Variants in SYNPO2 observed in about 807,000 individuals in gnomAD.
SYNPO2 encodes synaptopodin 2, also known as synaptopodin-2.
A neutral mutation model predicts 85.0 loss-of-function variants in SYNPO2; 56 were observed. The observed-to-expected ratio is 0.66, with a 90% CI of 0.53 to 0.82. The LOEUF is 0.82. Among genes scored for constraint, SYNPO2 ranks in the 40% least tolerant of loss-of-function variants. The pLI, the probability that SYNPO2 is intolerant of heterozygous loss-of-function variation, is 0.00. For synonymous variants in SYNPO2, 602 were observed against 591.1 expected, an observed-to-expected ratio of 1.02 and a Z score of -0.27; for missense variants, 1,575 against 1,534.2, an observed-to-expected ratio of 1.03 and a Z score of -0.44.
At chr4:119,056,929 A>T (rs1739225894) in intron 4 of SYNPO2, among the ~76,000 whole-genome samples, 1 of 152,226 alleles carries the variant, frequency 6.6e-6, no homozygotes, top group South Asian at 2.1e-4. Context: ...TAAAAAGCTC[A>T]GTAATGTACA....
At chr4:119,044,210 A>C (rs1738808499) in intron 4 of SYNPO2, among the ~76,000 whole-genome samples, 2 of 152,196 alleles carry the variant, frequency 1.3e-5, no homozygotes, top group Admixed American at 1.3e-4. Context: ...TAAGTTTCCC[A>C]TTTGTATTTG....
At chr4:118,977,605 C>T (rs2149160909) in intron 1 of SYNPO2, among the ~76,000 whole-genome samples, 1 of 152,350 alleles carries the variant, frequency 6.6e-6, no homozygotes, top group South Asian at 2.1e-4. Context: ...ATGCTGTCAC[C>T]TCTCAACTTG....
intron 1 of SYNPO2, among the ~76,000 whole-genome samples, chr4:118,876,591 C>G (rs1342906349): frequency 6.6e-6 from 1 of 152,006 alleles, no homozygotes; most frequent in African/African-American, 2.4e-5. Flanking sequence ...TGTTCAGATA[C>G]TTTTCCTTCC....
intron 1 of SYNPO2, among the ~76,000 whole-genome samples, chr4:118,892,236 C>T (rs920968063): frequency 1.3e-5 from 2 of 152,030 alleles, no homozygotes; most frequent in African/African-American, 4.8e-5. Context: ...CTCAATGGCA[C>T]GAAAATCTGT....
At chr4:118,853,148 G>A (rs1461532152) in intron 1 of SYNPO2, among the ~76,000 whole-genome samples, 1 of 152,146 alleles carries the variant, frequency 6.6e-6, no homozygotes, top group Non-Finnish European at 1.5e-5. Context: ...ATTCTCCTGA[G>A]GAACCTAGAG....
Position 118,870,218 on chromosome 4 carries a change from C to G in SYNPO2, c.12+19278C>G, listed in dbSNP as rs147080313. On this transcript the variant is annotated intron_variant, in intron 1 of 4. Coordinates refer to the SYNPO2 transcript ENST00000610556. ...GGAAATTCCTCACTTTTGCAGGAAG[C>G]CTGCTGCACTAGCCCACAAGGAAAA... Among the ~76,000 whole-genome samples, 15 of 152,304 alleles carry G rather than the reference C, an allele frequency of 9.8e-5. No individual in the cohort carries two copies. In the East Asian group the frequency reaches 2.1e-3, roughly 22 times the overall value.
intron 1 of SYNPO2, among the ~76,000 whole-genome samples, chr4:118,883,677 A>T (rs1394337978): frequency 6.6e-6 from 1 of 151,940 alleles, no homozygotes; most frequent in Non-Finnish European, 1.5e-5. Context: ...ACATGACTTT[A>T]GCCATTTTTT....
intron 1 of SYNPO2, among the ~76,000 whole-genome samples, chr4:118,946,264 C>T (rs62327799): frequency 0.1 from 15,677 of 151,992 alleles, 891 homozygotes; most frequent in East Asian, 0.16. Context: ...TGTATCCTAC[C>T]GTAATGTATA....
intron 1 of SYNPO2, among the ~76,000 whole-genome samples, chr4:118,873,611 G>A (rs1215317456): frequency 2.0e-5 from 3 of 151,922 alleles, no homozygotes; most frequent in Non-Finnish European, 4.4e-5. Context: ...GTCCTTTGTT[G>A]GATATATAGT....
rs558614692 is a variant in SYNPO2, at chr4:118,857,986, T to A, written c.12+7046T>A. Among the ~76,000 whole-genome samples the A allele has an allele frequency of 2.6e-5, 4 of 152,374 alleles. No homozygotes were observed. The South Asian group carries it at 6.2e-4, about 24-fold the overall frequency. On this transcript the variant is annotated intron_variant, in intron 1 of 4. Coordinates refer to the SYNPO2 transcript ENST00000610556. ...GCTTCACTTGCACTTTCTGCTTTCA[T>A]GTTATTGAAAAACACAGGGCTTTCT...
chr4:119,035,082 G>A, intron 4 of SYNPO2: 1 of 985,390 alleles, frequency 1.0e-6, no homozygotes, highest in Non-Finnish European at 1.2e-6. Context: ...TGTTATGTTA[G>A]GTGCCTTATG....
rs1737949981 is a variant in SYNPO2, at chr4:119,026,518, A to C, written c.258-109A>C. ...TATGTTGCAACTGACATTTAGAAGA[A>C]AATATTTTGACTATATCACATATTA... On this transcript the variant is annotated intron_variant, in intron 2 of 4. Coordinates refer to ENST00000307142, the MANE Select transcript of SYNPO2 (RefSeq NM_133477.3). 3.3e-6 allele frequency: 4 copies of C among 1,217,420 alleles called. No individual in the cohort carries two copies. The East Asian group carries it at 9.5e-5, about 29-fold the overall frequency. The allele number at this position is 1,217,420 out of a possible 1,614,324, so 75.4% of individuals were successfully genotyped here.
chr4:119,016,413 A>AT (rs1737526962), intron 1 of SYNPO2, among the ~76,000 whole-genome samples: 1 of 90,388 alleles, frequency 1.1e-5, no homozygotes, highest in Non-Finnish European at 2.6e-5. Context: ...GCAAGACTCC[A>AT]TTTCAAAAAA....
intron 1 of SYNPO2, among the ~76,000 whole-genome samples, chr4:118,914,310 G>A (rs1288573145): frequency 1.3e-5 from 2 of 152,074 alleles, no homozygotes; most frequent in African/African-American, 4.8e-5. Context: ...GAATGGCCAG[G>A]GCTAGAGGAA....
intron 1 of SYNPO2, among the ~76,000 whole-genome samples, chr4:118,864,248 G>C (rs1327539191): frequency 6.6e-6 from 1 of 152,108 alleles, no homozygotes; most frequent in Non-Finnish European, 1.5e-5. Context: ...TAATTTCCAT[G>C]TGTTTGTACA....
chr4:118,919,599 T>A (rs955262384), intron 1 of SYNPO2, among the ~76,000 whole-genome samples: 1 of 152,184 alleles, frequency 6.6e-6, no homozygotes, highest in Non-Finnish European at 1.5e-5. Context: ...TAGTGTAATA[T>A]GATTTTGCAA....
intron 1 of SYNPO2, among the ~76,000 whole-genome samples, chr4:118,957,086 T>A (rs1203014485): frequency 6.6e-6 from 1 of 151,672 alleles, no homozygotes; most frequent in Admixed American, 6.6e-5. Context: ...AAAAGTGACA[T>A]GGTGATAAGA....
chr4:118,867,369 GT>G (rs1731717871), intron 1 of SYNPO2, among the ~76,000 whole-genome samples: 2 of 152,034 alleles, frequency 1.3e-5, no homozygotes, highest in Admixed American at 1.3e-4. Context: ...GTATTATTGT[GT>G]ATTGGGTGAG....
chr4:118,980,173 T>A (rs1735953825), intron 1 of SYNPO2, among the ~76,000 whole-genome samples: 1 of 152,218 alleles, frequency 6.6e-6, no homozygotes. Flanking sequence ...TATAGTATAG[T>A]GTAGTAAAAA....
Sources: allele counts gnomAD v4.1 joint callset (sites outside exome capture counted in the v4.1 genomes callset), GRCh38; gene constraint gnomAD v4.1.1; transcripts MANE v1.5; gene names NCBI Gene and HGNC (gene_info 2026-07-23, HGNC 2026-07-21).